MYO18B: variants seen among roughly 807,000 people sequenced by gnomAD.
MYO18B encodes the protein unconventional myosin-XVIIIb.
Under a neutral mutation model 273.0 loss-of-function variants are expected in MYO18B, and 204 were observed. That is an observed-to-expected ratio of 0.75 (90% CI 0.67 to 0.84). The LOEUF is 0.84. Among genes scored for constraint, MYO18B ranks in the 40% least tolerant of loss-of-function variants. MYO18B has a pLI of 0.00. For synonymous variants in MYO18B, 1,330 were observed against 1,305.7 expected (o/e 1.02, Z -0.40); for missense variants, 3,212 against 3,287.6 (o/e 0.98, Z 0.56).
Position 25,768,626 on chromosome 22 carries a change from G to A in MYO18B, c.710G>A (p.Gly237Asp). 1 of 1,527,864 alleles carries A rather than the reference G, an allele frequency of 6.5e-7. No homozygotes were observed. Among genetic ancestry groups the A allele is most frequent in the Non-Finnish European group, 8.8e-7 (1 of 1,142,488 alleles). 94.6% of individuals were successfully genotyped at this position (1,527,864 alleles called of 1,614,324 possible). ...GTGGCACTGAAAAAAGGCGAGGAGG[G>A]TCAAAGCATAGTGGGGAAGGGGCTT... Reference protein sequence around the residue: ...GTVALKKGEEGQSIVGKGLGT... With the variant: ...GTVALKKGEEDQSIVGKGLGT... The change falls in exon 4 of 44, where the codon GGT (glycine) becomes GAT (aspartate). Residue 237 changes from glycine to aspartate, a missense_variant. Transcript: ENST00000335473.
In MYO18B at chr22:26,017,300, T is replaced by C. The variant is rs143681679; in HGVS notation, c.6471-9145T>C. Among the ~76,000 whole-genome samples, 399 of 151,628 alleles carry C rather than the reference T, an allele frequency of 2.6e-3. 5 individuals are homozygous for C. Among genetic ancestry groups the C allele is most frequent in the African/African-American group, 9.2e-3 (381 of 41,300 alleles). ...TCCACATTGACTTTATTTCTGTCTT[T>C]AGCTCCTCCTCTACATCTATGTTTA... On this transcript the variant is annotated intron_variant, in intron 42 of 43. Coordinates refer to ENST00000335473, the MANE Select transcript of MYO18B (RefSeq NM_032608.7).
At chr22:25,845,249 TG>T (rs1276149335) in intron 18 of MYO18B, among the ~76,000 whole-genome samples, 1 of 152,190 alleles carries the variant, frequency 6.6e-6, no homozygotes, top group African/African-American at 2.4e-5. Context: ...CCGGGCGCGG[TG>T]GCTCACGCCT....
At chr22:25,785,683 A>C (rs987752009) in intron 11 of MYO18B, among the ~76,000 whole-genome samples, 192 bp downstream of exon 11, 4 of 152,206 alleles carry the variant, frequency 2.6e-5, no homozygotes, top group African/African-American at 9.7e-5. Flanking sequence ...AGACAAATAA[A>C]GGAAACCAGA....
chr22:25,836,192 G>C (rs1601292914), intron 17 of MYO18B, among the ~76,000 whole-genome samples: 1 of 152,298 alleles, frequency 6.6e-6, no homozygotes, highest in African/African-American at 2.4e-5. Flanking sequence ...GTATCCATGG[G>C]CTCCAAGTTG....
intron 13 of MYO18B, among the ~76,000 whole-genome samples, chr22:25,823,947 C>T (rs949639730): frequency 1.3e-5 from 2 of 152,112 alleles, no homozygotes; most frequent in Non-Finnish European, 2.9e-5. Context: ...TGGGCAGGGC[C>T]GATGGACCAA....
At position 25,769,394 on chromosome 22, in the gene MYO18B, AG is replaced by A; in HGVS notation, c.1481del (p.Gly494AlafsTer37). ...CAAGACGGGCCAGCCCCGCAGGAGG[AG>A]GGCAAAGGAGGCCAGAGCAGAGACT... ...ENQDGPAPQE[E>X]GKGGQSRDSD... On this transcript the variant is annotated frameshift_variant, in exon 4 of 44. Transcript: ENST00000335473. LOFTEE classifies it high-confidence loss of function. 6.4e-7 allele frequency: 1 copy of A among 1,564,276 alleles called. No individual in the cohort carries two copies. The highest frequency in any genetic ancestry group is 1.9e-5 in the Admixed American group (1 of 52,208).
chr22:25,765,429 A>G (rs2086469687), intron 3 of MYO18B, among the ~76,000 whole-genome samples: 1 of 152,198 alleles, frequency 6.6e-6, no homozygotes, highest in Non-Finnish European at 1.5e-5. Context: ...AATGGAAAAC[A>G]AGGCTTGGGG....
intron 39 of MYO18B, among the ~76,000 whole-genome samples, chr22:25,964,606 A>C (rs2092957193): frequency 6.6e-6 from 1 of 152,170 alleles, no homozygotes; most frequent in African/African-American, 2.4e-5. Context: ...ATTTAGTAGC[A>C]TCCCTGTCCT....
At chr22:25,963,174 TCTCTCACA>T (rs2092937494) in intron 39 of MYO18B, among the ~76,000 whole-genome samples, 1 of 147,992 alleles carries the variant, frequency 6.8e-6, no homozygotes, top group Non-Finnish European at 1.5e-5. Flanking sequence ...TCTCTCTCTC[TCTCTCACA>T]CACACACACA....
At chr22:25,931,010 ATAGT>A (rs553394320) in intron 34 of MYO18B, among the ~76,000 whole-genome samples, 67 of 152,336 alleles carry the variant, frequency 4.4e-4, no homozygotes, top group African/African-American at 1.4e-3. Flanking sequence ...GACATTGGAA[ATAGT>A]TAGTAAGCAC....
chr22:25,763,526 G>T (rs1601619896), intron 3 of MYO18B, 137 bp downstream of exon 3: 3 of 1,055,100 alleles, frequency 2.8e-6, no homozygotes, highest in Non-Finnish European at 4.0e-6. Flanking sequence ...TATTCAACTT[G>T]ATCTATTGAG....
At chr22:25,950,489 G>T in intron 37 of MYO18B, 39 bp downstream of exon 37, 1 of 1,482,434 alleles carries the variant, frequency 6.7e-7, no homozygotes, top group Non-Finnish European at 9.1e-7. Flanking sequence ...TATTAGTCAG[G>T]GTTTTCTTAG....
Position 25,876,221 on chromosome 22 carries a change from G to A in MYO18B, c.4113G>A (p.Lys1371=). The change falls in exon 24 of 44, where the codon AAG becomes AAA. Residue 1371 remains lysine, a synonymous_variant. Coordinates refer to ENST00000335473, the MANE Select transcript of MYO18B (RefSeq NM_032608.7). The part of the protein sequence containing the change: ...IRRLAAQCIQ[K]NVAVFLAVKD... ...GACTGGCTGCACAGTGCATCCAGAA[G>A]AATGTGGCTGTGTTCCTCGCAGTCA... is the stretch of plus-strand genomic sequence containing the variant. 6.2e-7 allele frequency: 1 copy of A among 1,613,362 alleles called. No individual in the cohort carries two copies. Among genetic ancestry groups the A allele is most frequent in the Non-Finnish European group, 8.5e-7 (1 of 1,179,644 alleles).
chr22:25,936,528 C>T (rs1179666449), intron 34 of MYO18B, among the ~76,000 whole-genome samples: 1 of 152,224 alleles, frequency 6.6e-6, no homozygotes, highest in Non-Finnish European at 1.5e-5. Context: ...GATGAGTTAA[C>T]TAACCTGTCT....
chr22:25,809,436 T>G (rs1352837662), intron 12 of MYO18B, among the ~76,000 whole-genome samples: 1 of 152,216 alleles, frequency 6.6e-6, no homozygotes, highest in African/African-American at 2.4e-5. Flanking sequence ...CTTGGTTTCC[T>G]TTTTCTCTGA....
chr22:25,762,968 A>G (rs2146600903), intron 2 of MYO18B: 1 of 636,250 alleles, frequency 1.6e-6, no homozygotes, highest in Non-Finnish European at 3.0e-6. Context: ...GACTGTTCAT[A>G]TCACAAGGAG....
rs183172514 is a variant in MYO18B at position 25,903,378 on chromosome 22, C to T, written c.4948-253C>T. 1.6e-4 allele frequency: 76 copies of T among 475,670 alleles called. 1 individual carries two copies. Among genetic ancestry groups the T allele is most frequent in the African/African-American group, 1.2e-3 (61 of 51,278 alleles). The allele number at this position is 475,670 out of a possible 1,614,324, so 29.5% of individuals were successfully genotyped here. On this transcript the variant is annotated intron_variant, in intron 30 of 43. Transcript: ENST00000335473. Reference sequence around the variant, plus strand: ...ACCCTTCCTGTAGGTGCTCTGAGATCGAACTCTAGGGACAATTTATTCCAA... The same window carrying T: ...ACCCTTCCTGTAGGTGCTCTGAGATTGAACTCTAGGGACAATTTATTCCAA...
At chr22:25,886,350 A>C (rs1365774510) in intron 25 of MYO18B, among the ~76,000 whole-genome samples, 7 of 152,254 alleles carry the variant, frequency 4.6e-5, no homozygotes, top group African/African-American at 1.7e-4. Context: ...ATTTATTTTG[A>C]ATTTCCCCTG....
intron 12 of MYO18B, among the ~76,000 whole-genome samples, chr22:25,799,166 G>A (rs940078944): frequency 4.0e-5 from 2 of 49,440 alleles, no homozygotes; most frequent in Non-Finnish European, 1.2e-4. Context: ...TGTGTGCTTG[G>A]ATAGGTGCAG....
Sources: gnomAD v4.1 joint callset for allele counts (sites outside exome capture counted in the v4.1 genomes callset) on GRCh38, gnomAD v4.1.1 for gene constraint, MANE v1.5 for transcripts, NCBI Gene and HGNC (gene_info 2026-07-23, HGNC 2026-07-21) for gene names.